The following ATOX1 variants were observed in gnomAD, a reference collection of about 807,000 sequenced individuals.
ATOX1 encodes copper transport protein ATOX1.
A neutral mutation model predicts 7.3 loss-of-function variants in ATOX1; 4 were observed. The ratio of observed to expected loss-of-function variants is 0.55; its 90% CI spans 0.27 to 1.25. ATOX1 has a LOEUF of 1.25. ATOX1 is among the 50% of genes most tolerant of loss of function. The probability of loss-of-function intolerance (pLI) is 0.12; values close to 1 mark genes in which losing one functional copy is unlikely to be tolerated. For missense variants in ATOX1, 68 were observed against 81.6 expected (o/e 0.83, Z 0.64); for synonymous variants, 25 against 28.7 (o/e 0.87, Z 0.41).
At chr5:151,756,715 C>A (rs1231578161) in intron 1 of ATOX1, among the ~76,000 whole-genome samples, 1 of 152,170 alleles carries the variant, frequency 6.6e-6, no homozygotes, top group Non-Finnish European at 1.5e-5. Context: ...TTAAAGTGAT[C>A]TGCCCGCCTG....
chr5:151,748,417 C>G (rs1761904337), intron 2 of ATOX1, among the ~76,000 whole-genome samples: 1 of 152,116 alleles, frequency 6.6e-6, no homozygotes, highest in African/African-American at 2.4e-5. Flanking sequence ...TCTGTGATTC[C>G]TCAGCCCTAC....
chr5:151,756,187 C>G (rs1762014469), intron 1 of ATOX1, among the ~76,000 whole-genome samples: 1 of 151,926 alleles, frequency 6.6e-6, no homozygotes, highest in Non-Finnish European at 1.5e-5. Flanking sequence ...TGTGATCTGC[C>G]TGCCTTAGCC....
intron 3 of ATOX1, chr5:151,745,536 T>G (rs975107443): frequency 7.2e-5 from 11 of 151,992 alleles, no homozygotes; most frequent in Non-Finnish European, 1.3e-4. Context: ...GAGCGAAGAG[T>G]GCTGGCACAG....
At chr5:151,743,047 CAG>C (rs1037863866) in intron 3 of ATOX1, 88 bp from the exon 4 acceptor site, 3 of 152,488 alleles carry the variant, frequency 2.0e-5, no homozygotes, top group African/African-American at 7.2e-5. Context: ...CACTAAGAGA[CAG>C]GGGTGACGCA....
chr5:151,747,523 G>T (rs1390175782), intron 2 of ATOX1, among the ~76,000 whole-genome samples: 1 of 151,804 alleles, frequency 6.6e-6, no homozygotes, highest in Non-Finnish European at 1.5e-5. Context: ...AGGCTCAAGC[G>T]ATCCGCCTGC....
chr5:151,751,839 C>G (rs1351726692), intron 1 of ATOX1, 60 bp from the exon 2 acceptor site: 9 of 1,526,370 alleles, frequency 5.9e-6, no homozygotes, highest in Non-Finnish European at 6.2e-6. Context: ...CACACAGTGC[C>G]AGCAGACAGG....
chr5:151,751,821 G>A (rs925051927), intron 1 of ATOX1, 42 bp from the exon 2 acceptor site: 1 of 1,566,666 alleles, frequency 6.4e-7, no homozygotes, highest in African/African-American at 1.4e-5. Context: ...GCCCTGTAGA[G>A]TGACCCCCAC....
chr5:151,743,290 A>G (rs1761842673), intron 3 of ATOX1: 1 of 152,238 alleles, frequency 6.6e-6, no homozygotes, highest in Admixed American at 6.5e-5. Flanking sequence ...AGCACTCTCT[A>G]TCCTGTTACA....
chr5:151,756,104 G>A (rs1762013458), intron 1 of ATOX1, among the ~76,000 whole-genome samples: 1 of 151,962 alleles, frequency 6.6e-6, no homozygotes, highest in African/African-American at 2.4e-5. Flanking sequence ...ACCATGCCCG[G>A]CTAATTTTTT....
chr5:151,749,566 G>A (rs186882223), intron 2 of ATOX1, among the ~76,000 whole-genome samples: 461 of 150,670 alleles, frequency 3.1e-3, no homozygotes, highest in Middle Eastern at 0.021. Flanking sequence ...CAGGAGAATC[G>A]CTTGAACCCG....
chr5:151,751,841 G>A, intron 1 of ATOX1, 62 bp from the exon 2 acceptor site: 1 of 1,516,598 alleles, frequency 6.6e-7, no homozygotes, highest in Non-Finnish European at 9.0e-7. Context: ...CACAGTGCCA[G>A]CAGACAGGCC....
chr5:151,752,869 A>G (rs1369966688), intron 1 of ATOX1, among the ~76,000 whole-genome samples: 1 of 152,154 alleles, frequency 6.6e-6, no homozygotes, highest in Non-Finnish European at 1.5e-5. Flanking sequence ...GTTAGCCAGC[A>G]TCCAAGATGG....
chr5:151,746,173 C>T, intron 3 of ATOX1, 106 bp downstream of exon 3: 4 of 1,040,814 alleles, frequency 3.8e-6, no homozygotes, highest in Non-Finnish European at 4.0e-6. Flanking sequence ...TGAAAAGAAC[C>T]CAGAGGGCTC....
rs1761878824 is a variant in ATOX1 at position 151,746,309 on chromosome 5, G to A, written c.*16C>T. The A allele has an allele frequency of 6.2e-7, 1 of 1,612,108 alleles. No individual in the cohort carries two copies. Among genetic ancestry groups the A allele is most frequent in the East Asian group, 2.2e-5 (1 of 44,862 alleles). ...CCCTTTGGTCCATCCTGTGGGCTGT[G>A]GGGACCAGGCCCCTGCTACTCAAGG... On this transcript the variant is annotated 3_prime_UTR_variant, in exon 3 of 4. Transcript: ENST00000313115.
At chr5:151,756,202 A>G (rs1762014650) in intron 1 of ATOX1, among the ~76,000 whole-genome samples, 1 of 152,038 alleles carries the variant, frequency 6.6e-6, no homozygotes. Flanking sequence ...TTAGCCTCCC[A>G]AAGTGCTGGG....
chr5:151,746,404 T>G lies in ATOX1; in HGVS notation c.128A>C (p.Glu43Ala), dbSNP rs757102723. Residue 43 changes from glutamate to alanine, a missense_variant, in exon 3 of 4, where the codon GAA (glutamate) becomes GCA (alanine). Transcript: ENST00000313115. ...IDLPNKKVCI[E>A]SEHSMDTLLA... ...CAGAGTGTCCATGCTGTGCTCAGAT[T>G]CAATGCAGACCTTCTTGTTGGGCAG... 6.2e-7 allele frequency: 1 copy of G among 1,613,936 alleles called. No individual in the cohort carries two copies.
At chr5:151,746,631 A>G (rs1333661818) in intron 2 of ATOX1, 182 bp from the exon 3 acceptor site, 2 of 642,738 alleles carry the variant, frequency 3.1e-6, no homozygotes, top group Non-Finnish European at 5.3e-6. Context: ...TGTGGGTCAC[A>G]TATAGACTCT....
intron 3 of ATOX1, chr5:151,744,455 A>G (rs1761858576): frequency 6.6e-6 from 1 of 152,216 alleles, no homozygotes; most frequent in Non-Finnish European, 1.5e-5. Context: ...TCATCTCAAT[A>G]AAATAACATG....
intron 2 of ATOX1, among the ~76,000 whole-genome samples, chr5:151,747,924 G>GTGGAC (rs1170856379): frequency 6.6e-6 from 1 of 152,170 alleles, no homozygotes; most frequent in African/African-American, 2.4e-5. Flanking sequence ...CTTCCACAGT[G>GTGGAC]TGGACGTACC....
Sources: gnomAD v4.1 joint callset for allele counts (sites outside exome capture counted in the v4.1 genomes callset) on GRCh38, gnomAD v4.1.1 for gene constraint, MANE v1.5 for transcripts, NCBI Gene and HGNC (gene_info 2026-07-23, HGNC 2026-07-21) for gene names.